PPIP5K1: variants seen among roughly 807,000 people sequenced by gnomAD.
PPIP5K1 encodes the protein diphosphoinositol pentakisphosphate kinase 1.
Under a neutral mutation model 27.7 loss-of-function variants are expected in PPIP5K1, and 6 were observed. The ratio of observed to expected loss-of-function variants is 0.22; its 90% CI spans 0.12 to 0.43. PPIP5K1 has a LOEUF of 0.43. Ranked by LOEUF, PPIP5K1 falls within the 20% of genes least tolerant of loss-of-function variation. The probability of loss-of-function intolerance (pLI) is 1.00; values close to 1 mark genes in which losing one functional copy is unlikely to be tolerated. For synonymous variants in PPIP5K1, 145 were observed against 242.6 expected (o/e 0.60, Z 3.74); for missense variants, 394 against 635.4 (o/e 0.62, Z 4.08).
intron 30 of PPIP5K1, among the ~76,000 whole-genome samples, chr15:43,556,457 C>T (rs748799728): frequency 3.3e-5 from 5 of 150,784 alleles, no homozygotes; most frequent in Admixed American, 6.6e-5. Flanking sequence ...GCCAACATGG[C>T]GAAATCCTGT....
chr15:43,556,045 C>G (rs973919567), intron 30 of PPIP5K1, among the ~76,000 whole-genome samples: 3 of 152,014 alleles, frequency 2.0e-5, no homozygotes, highest in Non-Finnish European at 4.4e-5. Flanking sequence ...CTGGGCCGGG[C>G]GCAGTGACTC....
intron 30 of PPIP5K1, among the ~76,000 whole-genome samples, chr15:43,554,626 CACACACAG>C (rs959745139): frequency 3.1e-4 from 43 of 138,626 alleles, no homozygotes; most frequent in South Asian, 1.2e-3. Flanking sequence ...GGCATACACA[CACACACAG>C]ACACACACAC....
At chr15:43,565,359 C>A (rs2141236899) in intron 26 of PPIP5K1, among the ~76,000 whole-genome samples, 1 of 36,388 alleles carries the variant, frequency 2.7e-5, no homozygotes, top group Non-Finnish European at 4.6e-5. Context: ...CACCCCTTAC[C>A]CTGGATATAT....
intron 29 of PPIP5K1, 116 bp from the exon 30 acceptor site, chr15:43,559,048 G>T: frequency 8.0e-7 from 1 of 1,257,664 alleles, no homozygotes; most frequent in Non-Finnish European, 1.1e-6. Flanking sequence ...CTTTTGGAGT[G>T]TTGGGTATCC....
At chr15:43,537,688 C>CA (rs1229197125) in intron 31 of PPIP5K1, among the ~76,000 whole-genome samples, 572 of 48,948 alleles carry the variant, frequency 0.012, 12 homozygotes, top group Middle Eastern at 0.025. Flanking sequence ...GACTCCATCT[C>CA]AAAAAAAAAA....
intron 30 of PPIP5K1, among the ~76,000 whole-genome samples, chr15:43,552,669 C>G (rs1595815746): frequency 6.6e-6 from 1 of 151,102 alleles, no homozygotes; most frequent in African/African-American, 2.4e-5. Context: ...CCACTGCACG[C>G]CAGCCTGGGT....
intron 29 of PPIP5K1, among the ~76,000 whole-genome samples, chr15:43,559,585 T>C (rs2083513492): frequency 6.6e-6 from 1 of 152,174 alleles, no homozygotes; most frequent in Non-Finnish European, 1.5e-5. Flanking sequence ...TCTGATCTAC[T>C]GGAAAACCCC....
chr15:43,534,712 C>G lies in PPIP5K1; in HGVS notation c.4435G>C (p.Asp1479His). 6.6e-7 allele frequency: 1 copy of G among 1,520,360 alleles called. No homozygotes were observed. Among genetic ancestry groups the G allele is most frequent in the Non-Finnish European group, 8.8e-7 (1 of 1,138,540 alleles). The allele number at this position is 1,520,360 out of a possible 1,614,324, so 94.2% of individuals were successfully genotyped here. The change falls in exon 32 of 32, where the codon GAT (aspartate) becomes CAT (histidine). Residue 1479 changes from aspartate to histidine, a missense_variant. Transcript: ENST00000420765. ...KPSQEFPEEIDLQAQEVPEEI... is the reference protein window; with the variant it reads ...KPSQEFPEEIHLQAQEVPEEI... ...TCAGGGACCTCCTGGGCCTGCAGAT[C>G]AATCTCCTCAGGGAACTCTTGGGAT...
chr15:43,553,014 C>T (rs996299946), intron 30 of PPIP5K1, among the ~76,000 whole-genome samples: 7 of 151,888 alleles, frequency 4.6e-5, no homozygotes, highest in East Asian at 1.9e-4. Flanking sequence ...CCAGCCTGGA[C>T]GACAGAGTGA....
intron 30 of PPIP5K1, among the ~76,000 whole-genome samples, chr15:43,558,461 C>T (rs1342587226): frequency 2.6e-5 from 4 of 152,132 alleles, no homozygotes; most frequent in African/African-American, 7.2e-5. Context: ...CACTTGACCT[C>T]GTGATCCACC....
At chr15:43,560,031 T>G (rs1442198438) in intron 29 of PPIP5K1, among the ~76,000 whole-genome samples, 1 of 151,716 alleles carries the variant, frequency 6.6e-6, no homozygotes, top group African/African-American at 2.4e-5. Context: ...CATGATCTAG[T>G]GGCAGGAGGG....
chr15:43,539,211 A>C (rs1334905018), intron 31 of PPIP5K1, among the ~76,000 whole-genome samples: 1 of 151,840 alleles, frequency 6.6e-6, no homozygotes, highest in Non-Finnish European at 1.5e-5. Context: ...AAAAAAAAAA[A>C]CAATTATTCC....
rs770626074 is a variant in PPIP5K1 at position 43,535,193 on chromosome 15, G to A, written c.3954C>T (p.Val1318=). The A allele has an allele frequency of 1.9e-6, 3 of 1,614,006 alleles. No individual in the cohort carries two copies. The African/African-American group carries it at 4.0e-5, about 22-fold the overall frequency. The change falls in exon 32 of 32, where the codon GTC becomes GTT. Residue 1318 remains valine, a synonymous_variant. Coordinates refer to ENST00000420765, the MANE Select transcript of PPIP5K1 (RefSeq NM_001394395.1). The part of the protein sequence containing the change: ...YEEVSQPCQE[V]PDISQPCQDI... ...CCTGGCATGGCTGGCTGATGTCAGG[G>A]ACCTCCTGACATGGCTGGCTGACCT...
intron 30 of PPIP5K1, among the ~76,000 whole-genome samples, chr15:43,546,694 A>G (rs2081415969): frequency 7.7e-6 from 1 of 129,868 alleles, no homozygotes; most frequent in African/African-American, 2.8e-5. Context: ...TCTCACTCTG[A>G]CACCCAGGCT....
chr15:43,534,522 G>C lies in PPIP5K1; in HGVS notation c.*152C>G. ...TGGTATAGTGTGATACCACTAATGA[G>C]AAAATTAATCACATGTTGCTGGTGG... On this transcript the variant is annotated 3_prime_UTR_variant, in exon 32 of 32. Coordinates refer to ENST00000420765, the MANE Select transcript of PPIP5K1 (RefSeq NM_001394395.1). The C allele has an allele frequency of 1.4e-6, 1 of 699,926 alleles. No homozygotes were observed. The highest frequency in any genetic ancestry group is 2.5e-5 in the South Asian group (1 of 40,226). The allele number at this position is 699,926 out of a possible 1,614,324, so 43.4% of individuals were successfully genotyped here. A position where few individuals can be genotyped will look rare whatever the true frequency, so the allele number is the denominator to read the frequency against.
chr15:43,534,932 C>G lies in PPIP5K1; in HGVS notation c.4215G>C (p.Lys1405Asn). ...PCQGVSVEVG[K>N]LVHKFHVGVG... ...CCCCTACATGGAACTTATGGACCAGCTTGCCAACCTCCACAGAGACCCCCT... is the reference window on the plus strand; with the variant it reads ...CCCCTACATGGAACTTATGGACCAGGTTGCCAACCTCCACAGAGACCCCCT... The change falls in exon 32 of 32, where the codon AAG becomes AAC. Residue 1405 changes from lysine to asparagine, a missense_variant. Lys to Asn is a moderately conservative substitution (Grantham distance 94, BLOSUM62 0). Around this residue, in one of 4 missense-constraint regions of PPIP5K1, gnomAD observed 379 missense variants for 423.9 expected, o/e 0.89. Transcript: ENST00000420765. 6.2e-7 allele frequency: 1 copy of G among 1,614,218 alleles called. No homozygotes were observed. Among genetic ancestry groups the G allele is most frequent in the Non-Finnish European group, 8.5e-7 (1 of 1,180,030 alleles).
Position 43,558,801 on chromosome 15 carries a change from A to T in PPIP5K1, c.3550T>A (p.Ser1184Thr), listed in dbSNP as rs756004229. ...QRHTDAQAQA[S>T]AALFDSMHSS... The stretch of plus-strand genomic sequence containing the variant: ...AAAATAAGAATATCCCTACCTGCAG[A>T]TGCCTGTGCCTGGGCATCAGTGTGG... The change falls in exon 30 of 32, where the codon TCT becomes ACT. Residue 1184 changes from serine (S) to threonine (T), a missense_variant. This residue lies in a region of PPIP5K1 where 379 missense variants were observed against 423.9 expected (regional missense o/e 0.89). Coordinates refer to ENST00000420765, the MANE Select transcript of PPIP5K1 (RefSeq NM_001394395.1). 5 of 1,614,020 alleles carry T rather than the reference A, an allele frequency of 3.1e-6. No individual in the cohort carries two copies. The South Asian group carries it at 4.4e-5, about 14-fold the overall frequency.
rs2080401711 is a variant in PPIP5K1, at chr15:43,539,637, G to C, written c.3557-54C>G. On this transcript the variant is annotated intron_variant, in intron 30 of 31. Coordinates refer to ENST00000420765, the MANE Select transcript of PPIP5K1 (RefSeq NM_001394395.1). ...GGAAGAAAAAAAGACATATGAGGAA[G>C]AATCCAGGAGCCACACGTTCTCAAC... The C allele has an allele frequency of 5.3e-6, 6 of 1,134,860 alleles. No individual in the cohort carries two copies. The South Asian group carries it at 6.8e-5, about 13-fold the overall frequency. The allele number at this position is 1,134,860 out of a possible 1,614,324, so 70.3% of individuals were successfully genotyped here. A position where few individuals can be genotyped will look rare whatever the true frequency, so the allele number is the denominator to read the frequency against.
In PPIP5K1 at chr15:43,535,066, G is replaced by A; in HGVS notation, c.4081C>T (p.Pro1361Ser). 1 of 1,614,064 alleles carries A rather than the reference G, an allele frequency of 6.2e-7. No homozygotes were observed. The highest frequency in any genetic ancestry group is 8.5e-7 in the Non-Finnish European group (1 of 1,179,996). Residue 1361 changes from proline (P) to serine (S), a missense_variant, in exon 32 of 32, where the codon CCT (proline) becomes TCT (serine). Pro to Ser is a moderately conservative substitution (Grantham distance 74). Transcript: ENST00000420765. ...TTCTGGCATGGCTGGCTGATGTGAG[G>A]GACCTCCTGGCATGTGTGGTTACCA... ...DNGNHTCQEV[P>S]HISQPCQKSS... is the part of the protein sequence containing the mutation.
Sources: gnomAD v4.1 joint callset for allele counts (sites outside exome capture counted in the v4.1 genomes callset) on GRCh38, gnomAD v4.1.1 for gene constraint, gnomAD v4.1.1 regional missense constraint, MANE v1.5 for transcripts, NCBI Gene and HGNC (gene_info 2026-07-23, HGNC 2026-07-21) for gene names.